Variants in NRXN1 observed in about 807,000 individuals in gnomAD.
NRXN1 encodes the protein neurexin-1.
NRXN1 carries 39 observed loss-of-function variants against 150.9 expected under a neutral mutation model. The observed-to-expected ratio is 0.26, with a 90% CI of 0.20 to 0.34. The LOEUF is 0.34. Among genes scored for constraint, NRXN1 ranks in the 10% least tolerant of loss-of-function variants. NRXN1 has a pLI of 1.00. For synonymous variants in NRXN1, 924 were observed against 757.0 expected, an observed-to-expected ratio of 1.22 and a Z score of -3.62; for missense variants, 1,815 against 1,949.9, an observed-to-expected ratio of 0.93 and a Z score of 1.30.
chr2:50,012,056 T>C (rs1685760213), intron 21 of NRXN1, among the ~76,000 whole-genome samples: 1 of 152,062 alleles, frequency 6.6e-6, no homozygotes, highest in Non-Finnish European at 1.5e-5. Flanking sequence ...AAATAAAAGT[T>C]AGCATTTTTC....
At chr2:50,147,604 T>C (rs939216645) in intron 18 of NRXN1, among the ~76,000 whole-genome samples, 2 of 151,638 alleles carry the variant, frequency 1.3e-5, no homozygotes, top group African/African-American at 4.8e-5. Context: ...TTGACTGTAA[T>C]ATGAAGTCAC....
intron 5 of NRXN1, among the ~76,000 whole-genome samples, chr2:50,790,578 G>C (rs1705800477): frequency 6.6e-6 from 1 of 152,172 alleles, no homozygotes. Context: ...ATTATTTCTA[G>C]AGATTACTAT....
intron 5 of NRXN1, among the ~76,000 whole-genome samples, chr2:50,796,088 T>C (rs1466546455): frequency 1.3e-5 from 2 of 152,074 alleles, no homozygotes; most frequent in Admixed American, 6.6e-5. Flanking sequence ...TATTATCCTA[T>C]TAATGGGGGA....
chr2:50,109,204 G>A (rs530833098), intron 18 of NRXN1, among the ~76,000 whole-genome samples: 26 of 152,212 alleles, frequency 1.7e-4, no homozygotes, highest in African/African-American at 5.5e-4. Context: ...GGCAGTCTGC[G>A]AAACAAGAGT....
chr2:50,738,165 C>A (rs139687098), intron 5 of NRXN1, among the ~76,000 whole-genome samples: 5 of 152,144 alleles, frequency 3.3e-5, no homozygotes, highest in African/African-American at 1.2e-4. Context: ...CTTGCTAATT[C>A]AGTGAAACTG....
intron 18 of NRXN1, among the ~76,000 whole-genome samples, chr2:50,108,345 T>C (rs1701945703): frequency 6.6e-6 from 1 of 152,024 alleles, no homozygotes; most frequent in Non-Finnish European, 1.5e-5. Flanking sequence ...GTCAGTCCTT[T>C]TGTGGTGCTT....
intron 5 of NRXN1, among the ~76,000 whole-genome samples, chr2:50,631,821 G>A (rs537963354): frequency 6.6e-6 from 1 of 151,976 alleles, no homozygotes; most frequent in Admixed American, 6.6e-5. Context: ...AATTCATTAG[G>A]TGTGCAACAT....
At chr2:50,071,878 A>C (rs1696343537) in intron 19 of NRXN1, among the ~76,000 whole-genome samples, 1 of 152,204 alleles carries the variant, frequency 6.6e-6, no homozygotes, top group Non-Finnish European at 1.5e-5. Flanking sequence ...AATCATGTCC[A>C]TTTTAATTAT....
chr2:50,706,860 A>G (rs1694517072), intron 5 of NRXN1, among the ~76,000 whole-genome samples: 1 of 149,890 alleles, frequency 6.7e-6, no homozygotes, highest in African/African-American at 2.5e-5. Context: ...AACATTTCCC[A>G]TTTCATATTT....
At chr2:50,176,180 C>T (rs2060343503) in intron 18 of NRXN1, among the ~76,000 whole-genome samples, 1 of 152,058 alleles carries the variant, frequency 6.6e-6, no homozygotes, top group Admixed American at 6.6e-5. Context: ...AACCAGAAAC[C>T]TTGATATATG....
chr2:50,216,369 T>C (rs537195725), intron 18 of NRXN1, among the ~76,000 whole-genome samples: 2 of 152,202 alleles, frequency 1.3e-5, no homozygotes, highest in Non-Finnish European at 2.9e-5. Flanking sequence ...AGCAACACAG[T>C]ATGAGAAGAA....
intron 18 of NRXN1, among the ~76,000 whole-genome samples, chr2:50,203,852 A>G (rs1037747817): frequency 2.6e-5 from 4 of 152,214 alleles, no homozygotes; most frequent in Non-Finnish European, 5.9e-5. Context: ...TATCGTATTA[A>G]ATTAGGCTTT....
intron 5 of NRXN1, among the ~76,000 whole-genome samples, chr2:50,749,891 T>C (rs1280049530): frequency 6.6e-6 from 1 of 152,056 alleles, no homozygotes; most frequent in Non-Finnish European, 1.5e-5. Flanking sequence ...AACTACCCCA[T>C]CTTCCACCAC....
intron 18 of NRXN1, among the ~76,000 whole-genome samples, chr2:50,125,354 G>A (rs1240517773): frequency 6.6e-6 from 1 of 152,024 alleles, no homozygotes; most frequent in African/African-American, 2.4e-5. Context: ...TTTTAATTCA[G>A]TCTCTTAGTA....
intron 5 of NRXN1, among the ~76,000 whole-genome samples, chr2:50,771,380 T>A (rs918323298): frequency 1.3e-5 from 2 of 152,118 alleles, no homozygotes; most frequent in Non-Finnish European, 2.9e-5. Context: ...TCAAGCAACT[T>A]AACAATTTGG....
At chr2:51,030,607 C>T (rs190720424) in intron 1 of NRXN1, among the ~76,000 whole-genome samples, 1 of 151,686 alleles carries the variant, frequency 6.6e-6, no homozygotes, top group East Asian at 1.9e-4. Flanking sequence ...TGCCCACTAG[C>T]AAAAGGAAAT....
At chr2:50,619,330 A>C (rs1679570692) in intron 8 of NRXN1, 1 of 152,180 alleles carries the variant, frequency 6.6e-6, no homozygotes, top group African/African-American at 2.4e-5. Flanking sequence ...GAAAATATTC[A>C]TTAAAAAATG....
intron 5 of NRXN1, among the ~76,000 whole-genome samples, chr2:50,737,420 C>T (rs1351442500): frequency 6.6e-6 from 1 of 152,078 alleles, no homozygotes; most frequent in African/African-American, 2.4e-5. Flanking sequence ...CTCTATGGGA[C>T]AGAGGATATT....
chr2:50,367,223 T>C (rs2079648460), intron 17 of NRXN1, among the ~76,000 whole-genome samples: 1 of 151,966 alleles, frequency 6.6e-6, no homozygotes. Context: ...GAGTAAATAA[T>C]ACTATGGAAC....
Sources: gnomAD v4.1 joint callset for allele counts (sites outside exome capture counted in the v4.1 genomes callset) on GRCh38, gnomAD v4.1.1 for gene constraint, MANE v1.5 for transcripts, NCBI Gene and HGNC (gene_info 2026-07-23, HGNC 2026-07-21) for gene names.